Variants in PCDH11X observed in about 807,000 individuals in gnomAD.
The protein encoded by PCDH11X is protocadherin 11 X-linked.
A neutral mutation model predicts 53.3 loss-of-function variants in PCDH11X; 18 were observed. The ratio of observed to expected loss-of-function variants is 0.34; its 90% CI spans 0.23 to 0.50. The LOEUF (loss-of-function observed/expected upper bound fraction) is 0.50. Ranked by LOEUF, PCDH11X falls within the 20% of genes least tolerant of loss-of-function variation. PCDH11X has a pLI of 0.98. For missense variants in PCDH11X, 570 were observed against 1,032.4 expected (o/e 0.55, Z 6.14); for synonymous variants, 279 against 393.3 (o/e 0.71, Z 3.44).
At position 92,186,628 on chromosome X, in the gene PCDH11X, C is replaced by CAAAAAA. The variant is rs34913850; in HGVS notation, c.3034-14733_3034-14728dup. 4.6e-3 allele frequency among the ~76,000 whole-genome samples: 294 copies of CAAAAAA among 63,462 alleles called. 4 individuals carry two copies. The highest frequency in any genetic ancestry group is 0.019 in the African/African-American group (280 of 14,994). 55.1% of individuals were successfully genotyped at this position (63,462 alleles called of 115,157 possible). ...GGGCAACAAGAGCGAAACTCCGTCT[C>CAAAAAA]AAAAAAAAAAAAAAAAAAAGAGAAT... is the stretch of plus-strand genomic sequence containing the variant. On this transcript the variant is annotated intron_variant, in intron 6 of 10. Coordinates refer to ENST00000682573, the MANE Select transcript of PCDH11X (RefSeq NM_032968.5).
At chrX:91,856,077 A>C (rs1400789427) in intron 5 of PCDH11X, among the ~76,000 whole-genome samples, 1 of 92,889 alleles carries the variant, frequency 1.1e-5, no homozygotes, top group African/African-American at 4.0e-5. Flanking sequence ...GTCATGTTCC[A>C]GATCTTAGAG....
At chrX:92,395,021 A>G (rs1041232530) in intron 9 of PCDH11X, among the ~76,000 whole-genome samples, 5 of 111,409 alleles carry the variant, frequency 4.5e-5, no homozygotes, top group African/African-American at 1.6e-4. Flanking sequence ...AAGATGCTCA[A>G]TAGAGAATAG....
chrX:92,375,934 T>C (rs1457055290), intron 8 of PCDH11X, among the ~76,000 whole-genome samples: 1 of 111,723 alleles, frequency 9.0e-6, no homozygotes, highest in Non-Finnish European at 1.9e-5. Context: ...GTTTTGTTTG[T>C]TAAAGGCAAT....
intron 6 of PCDH11X, among the ~76,000 whole-genome samples, chrX:91,992,102 G>T (rs1156549475): frequency 9.5e-6 from 1 of 105,681 alleles, no homozygotes; most frequent in Admixed American, 1.0e-4. Flanking sequence ...ATGCTATTCT[G>T]CTCCTTATTT....
At chrX:91,947,273 G>A (rs938267313) in intron 6 of PCDH11X, among the ~76,000 whole-genome samples, 1 of 109,285 alleles carries the variant, frequency 9.2e-6, no homozygotes, top group African/African-American at 3.3e-5. Context: ...TCATTCAAGT[G>A]CAAATCTTGA....
chrX:92,361,241 CCT>C, intron 8 of PCDH11X, among the ~76,000 whole-genome samples: 1 of 109,049 alleles, frequency 9.2e-6, no homozygotes. Context: ...TTCAATTCCC[CCT>C]GTTTGCATCT....
chrX:92,025,424 A>G (rs1602705612), intron 6 of PCDH11X, among the ~76,000 whole-genome samples: 1 of 101,363 alleles, frequency 9.9e-6, no homozygotes, highest in African/African-American at 3.6e-5. Context: ...TCAAAAGAAG[A>G]CATTTATGCA....
intron 10 of PCDH11X, among the ~76,000 whole-genome samples, chrX:92,613,135 C>T (rs1313275263): frequency 9.1e-6 from 1 of 109,382 alleles, no homozygotes; most frequent in Non-Finnish European, 1.9e-5. Flanking sequence ...AGGTTTTAAT[C>T]CTATCATGAA....
At chrX:92,450,932 G>A (rs1367213671) in intron 9 of PCDH11X, among the ~76,000 whole-genome samples, 3 of 111,454 alleles carry the variant, frequency 2.7e-5, no homozygotes, top group Non-Finnish European at 5.7e-5. Flanking sequence ...AAAGCTTGTT[G>A]ACTTCATCAA....
chrX:92,481,318 A>C (rs760085137), intron 10 of PCDH11X, among the ~76,000 whole-genome samples: 2,070 of 106,529 alleles, frequency 0.019, 55 homozygotes, highest in African/African-American at 0.064. Flanking sequence ...CACACACCCC[A>C]CACACACACA....
intron 8 of PCDH11X, among the ~76,000 whole-genome samples, chrX:92,354,931 T>C (rs1314817939): frequency 9.0e-6 from 1 of 110,686 alleles, no homozygotes; most frequent in East Asian, 2.9e-4. Flanking sequence ...GCACAGAAGA[T>C]AAATCTGAAA....
chrX:92,254,919 T>C (rs1308762931), intron 7 of PCDH11X, among the ~76,000 whole-genome samples: 1 of 101,046 alleles, frequency 9.9e-6, no homozygotes, highest in African/African-American at 3.6e-5. Flanking sequence ...ATTATGTGTC[T>C]TGGAGTTGCT....
intron 7 of PCDH11X, among the ~76,000 whole-genome samples, chrX:92,219,151 C>T (rs1302195073): frequency 9.0e-6 from 1 of 110,893 alleles, no homozygotes; most frequent in Non-Finnish European, 1.9e-5. Context: ...CAGGGATGCC[C>T]TCTCTCACCA....
At chrX:92,376,301 G>A (rs1012449246) in intron 8 of PCDH11X, among the ~76,000 whole-genome samples, 6 of 111,206 alleles carry the variant, frequency 5.4e-5, no homozygotes, top group South Asian at 7.5e-4. Context: ...TCTTAACATC[G>A]AGTTACTTGT....
intron 9 of PCDH11X, among the ~76,000 whole-genome samples, chrX:92,403,070 C>T (rs1368056431): frequency 1.0e-4 from 11 of 107,154 alleles, no homozygotes; most frequent in South Asian, 4.1e-4. Flanking sequence ...ACTACCTTGC[C>T]TCTTGAGATA....
intron 10 of PCDH11X, among the ~76,000 whole-genome samples, chrX:92,509,089 T>C (rs1478323945): frequency 2.0e-5 from 2 of 97,789 alleles, no homozygotes; most frequent in Non-Finnish European, 4.2e-5. Flanking sequence ...ACAAGGAAAT[T>C]GTTTATGAAG....
intron 6 of PCDH11X, among the ~76,000 whole-genome samples, chrX:91,995,611 G>A (rs1201489982): frequency 2.7e-5 from 3 of 111,437 alleles, no homozygotes; most frequent in African/African-American, 9.8e-5. Context: ...GACTCAAGTA[G>A]TGTAATGCCT....
chrX:92,581,256 A>G (rs1035707726), intron 10 of PCDH11X, among the ~76,000 whole-genome samples: 23 of 111,715 alleles, frequency 2.1e-4, no homozygotes, highest in Non-Finnish European at 4.3e-4. Flanking sequence ...TTAAGTGCAC[A>G]TGGTACATTA....
intron 6 of PCDH11X, among the ~76,000 whole-genome samples, chrX:92,121,170 T>C (rs1293768545): frequency 7.2e-5 from 8 of 110,370 alleles, no homozygotes; most frequent in African/African-American, 2.6e-4. Context: ...TTTCTTTTTT[T>C]TTTGAGACAG....
Sources: gnomAD v4.1 joint callset for allele counts (sites outside exome capture counted in the v4.1 genomes callset) on GRCh38, gnomAD v4.1.1 for gene constraint, MANE v1.5 for transcripts, NCBI Gene and HGNC (gene_info 2026-07-23, HGNC 2026-07-21) for gene names.